The following INPP4B variants were observed in gnomAD, a reference collection of about 807,000 sequenced individuals.
The protein encoded by INPP4B is inositol polyphosphate 4-phosphatase type II.
A neutral mutation model predicts 122.5 loss-of-function variants in INPP4B; 55 were observed. The ratio of observed to expected loss-of-function variants is 0.45; its 90% confidence interval spans 0.36 to 0.56. The LOEUF (loss-of-function observed/expected upper bound fraction) is 0.56, where lower values mean the gene tolerates loss of function less well. Ranked by LOEUF, INPP4B falls within the 20% of genes least tolerant of loss-of-function variation. The pLI, the probability that INPP4B is intolerant of heterozygous loss-of-function variation, is 0.00. For missense variants in INPP4B, 1,000 were observed against 1,097.7 expected, an observed-to-expected ratio of 0.91 and a Z score of 1.26; for synonymous variants, 403 against 388.7, an observed-to-expected ratio of 1.04 and a Z score of -0.43.
rs536094112 is a variant in INPP4B, at chr4:142,420,954, G to A, written c.136+8219C>T. 1.2e-4 allele frequency among the ~76,000 whole-genome samples: 18 copies of A among 152,198 alleles called. No homozygotes were observed. In the South Asian group the frequency reaches 2.7e-3, roughly 23 times the overall value. On this transcript the variant is annotated intron_variant, in intron 5 of 25. Transcript: ENST00000262992. The stretch of plus-strand genomic sequence containing the variant: ...AATCATAAGTTAACCAACCACTTAC[G>A]CTAATTCATTTAATCATCACAAGAA...
chr4:142,524,509 T>C (rs1826576174), intron 2 of INPP4B, among the ~76,000 whole-genome samples: 2 of 151,938 alleles, frequency 1.3e-5, no homozygotes, highest in Admixed American at 1.3e-4. Context: ...GGGTTGTTTG[T>C]TTTTTTCTTG....
intron 2 of INPP4B, among the ~76,000 whole-genome samples, chr4:142,667,906 T>C (rs1756394877): frequency 6.6e-6 from 1 of 152,194 alleles, no homozygotes; most frequent in Non-Finnish European, 1.5e-5. Context: ...GAATTAGTAA[T>C]AAAAATTCTG....
At chr4:142,132,387 C>G (rs1408362429) in intron 18 of INPP4B, among the ~76,000 whole-genome samples, 1 of 152,120 alleles carries the variant, frequency 6.6e-6, no homozygotes, top group African/African-American at 2.4e-5. Flanking sequence ...CAACTCTCTA[C>G]TTCTTCATCC....
intron 10 of INPP4B, among the ~76,000 whole-genome samples, chr4:142,263,041 G>A (rs571869862): frequency 1.3e-5 from 2 of 152,236 alleles, no homozygotes; most frequent in African/African-American, 2.4e-5. Context: ...CTTGTGCTAC[G>A]CTGCATTCCA....
intron 2 of INPP4B, among the ~76,000 whole-genome samples, chr4:142,523,736 C>T (rs1021435430): frequency 6.7e-6 from 1 of 150,356 alleles, no homozygotes; most frequent in Non-Finnish European, 1.5e-5. Context: ...ATACATGTGC[C>T]ACGCTGGTGC....
chr4:142,063,573 T>C (rs1762055268), intron 25 of INPP4B, among the ~76,000 whole-genome samples: 1 of 152,204 alleles, frequency 6.6e-6, no homozygotes, highest in South Asian at 2.1e-4. Flanking sequence ...ATTTTAACAT[T>C]TGGTTGGAGA....
intron 1 of INPP4B, among the ~76,000 whole-genome samples, chr4:142,749,633 A>G (rs1580830284): frequency 6.6e-6 from 1 of 151,984 alleles, no homozygotes; most frequent in Admixed American, 6.6e-5. Context: ...AGTTGTGTCC[A>G]CCTTGCTGTA....
chr4:142,202,736 A>G (rs1015283578), intron 14 of INPP4B: 1 of 984,286 alleles, frequency 1.0e-6, no homozygotes, highest in African/African-American at 1.7e-5. Context: ...GCTTCTTTTC[A>G]TACCAATTTG....
At chr4:142,312,003 C>T (rs771211643) in intron 8 of INPP4B, among the ~76,000 whole-genome samples, 1 of 152,126 alleles carries the variant, frequency 6.6e-6, no homozygotes, top group South Asian at 2.1e-4. Flanking sequence ...GAAAAACAAA[C>T]CCATTCATTA....
At chr4:142,331,662 GAATT>G (rs1216607960) in intron 7 of INPP4B, among the ~76,000 whole-genome samples, 6 of 152,110 alleles carry the variant, frequency 3.9e-5, no homozygotes, top group Non-Finnish European at 8.8e-5. Context: ...AATTGCTAAG[GAATT>G]ATTTTAAAAC....
intron 17 of INPP4B, among the ~76,000 whole-genome samples, chr4:142,152,623 A>G (rs573983725): frequency 6.6e-6 from 1 of 151,912 alleles, no homozygotes; most frequent in African/African-American, 2.4e-5. Context: ...TAGAGATAAG[A>G]TCTTCTGTTG....
chr4:142,561,643 A>G (rs978255651), intron 2 of INPP4B, among the ~76,000 whole-genome samples: 4 of 151,816 alleles, frequency 2.6e-5, no homozygotes, highest in South Asian at 2.1e-4. Context: ...CTGGTCTCGA[A>G]CTCCTGAACT....
At chr4:142,220,361 A>G (rs1010757415) in intron 12 of INPP4B, among the ~76,000 whole-genome samples, 4 of 152,228 alleles carry the variant, frequency 2.6e-5, no homozygotes, top group Admixed American at 6.5e-5. Flanking sequence ...AGTCTTGGCT[A>G]TAGCAACTGC....
chr4:142,417,349 G>C (rs1289365506), intron 5 of INPP4B, among the ~76,000 whole-genome samples: 1 of 152,088 alleles, frequency 6.6e-6, no homozygotes, highest in Non-Finnish European at 1.5e-5. Flanking sequence ...CTTCCAAATT[G>C]CCAAAAGTTG....
intron 2 of INPP4B, among the ~76,000 whole-genome samples, chr4:142,611,113 G>A (rs1443387867): frequency 1.3e-5 from 2 of 152,170 alleles, no homozygotes; most frequent in Non-Finnish European, 1.5e-5. Context: ...ATGGCAAAAG[G>A]CAAAGGGGAA....
At chr4:142,088,129 C>A (rs562466881) in intron 23 of INPP4B, among the ~76,000 whole-genome samples, 49 of 152,164 alleles carry the variant, frequency 3.2e-4, no homozygotes, top group South Asian at 2.3e-3. Context: ...CTCTGATATA[C>A]AGGAATTTTA....
chr4:142,394,599 T>C (rs1231634012), intron 7 of INPP4B, among the ~76,000 whole-genome samples: 5 of 152,228 alleles, frequency 3.3e-5, no homozygotes, highest in Non-Finnish European at 7.4e-5. Flanking sequence ...AATATACCTG[T>C]TGGCCATTTG....
At chr4:142,281,879 AT>A (rs1027562738) in intron 9 of INPP4B, among the ~76,000 whole-genome samples, 2 of 152,096 alleles carry the variant, frequency 1.3e-5, no homozygotes, top group Non-Finnish European at 2.9e-5. Context: ...TAATAAAATC[AT>A]TTTAAAATAC....
At chr4:142,801,921 A>G (rs184112535) in intron 1 of INPP4B, among the ~76,000 whole-genome samples, 20 of 152,286 alleles carry the variant, frequency 1.3e-4, no homozygotes, top group African/African-American at 4.3e-4. Flanking sequence ...ATAGTTAAAT[A>G]AATACATGGA....
Sources: allele counts gnomAD v4.1 joint callset (sites outside exome capture counted in the v4.1 genomes callset), GRCh38; gene constraint gnomAD v4.1.1; transcripts MANE v1.5; gene names NCBI Gene and HGNC (gene_info 2026-07-23, HGNC 2026-07-21).